TFCP2: variants seen among roughly 807,000 people sequenced by gnomAD.
TFCP2 encodes transcription factor CP2.
Under a neutral mutation model 73.4 loss-of-function variants are expected in TFCP2, and 33 were observed. The ratio of observed to expected loss-of-function variants is 0.45; its 90% confidence interval spans 0.34 to 0.60. TFCP2 has a LOEUF of 0.60. Among genes scored for constraint, TFCP2 ranks in the 20% least tolerant of loss-of-function variants. The pLI is 0.01. For synonymous variants in TFCP2, 193 were observed against 211.6 expected, an observed-to-expected ratio of 0.91 and a Z score of 0.76; for missense variants, 352 against 604.0, an observed-to-expected ratio of 0.58 and a Z score of 4.37.
intron 6 of TFCP2, 75 bp downstream of exon 6, chr12:51,109,046 C>T (rs1264542425): frequency 1.3e-6 from 2 of 1,511,224 alleles, no homozygotes; most frequent in Non-Finnish European, 1.8e-6. Flanking sequence ...AGTTGATTTT[C>T]TGACTTGGTA....
intron 1 of TFCP2, among the ~76,000 whole-genome samples, chr12:51,127,531 T>G (rs188393398): frequency 6.6e-6 from 1 of 152,316 alleles, no homozygotes; most frequent in Non-Finnish European, 1.5e-5. Context: ...AAGCCCAGAA[T>G]GTGCTGAGAC....
At chr12:51,136,148 T>C (rs192013381) in intron 1 of TFCP2, among the ~76,000 whole-genome samples, 1 of 151,818 alleles carries the variant, frequency 6.6e-6, no homozygotes, top group East Asian at 1.9e-4. Flanking sequence ...CTACTAAAAA[T>C]ACAAAAAAAT....
At chr12:51,120,494 G>A (rs1347211215) in intron 1 of TFCP2, among the ~76,000 whole-genome samples, 3 of 152,100 alleles carry the variant, frequency 2.0e-5, no homozygotes, top group Non-Finnish European at 4.4e-5. Context: ...GAACTTTGTA[G>A]GGAGATAAAA....
intron 1 of TFCP2, chr12:51,124,627 G>A (rs764624128): frequency 1.8e-6 from 1 of 548,044 alleles, no homozygotes; most frequent in South Asian, 1.5e-5. Context: ...CGGCAGGTAG[G>A]TCATGTTCCG....
intron 1 of TFCP2, among the ~76,000 whole-genome samples, chr12:51,155,912 C>T (rs1411799819): frequency 1.3e-5 from 2 of 152,160 alleles, no homozygotes; most frequent in Admixed American, 6.5e-5. Flanking sequence ...CATGGTGGCA[C>T]ATGCCTGTAA....
chr12:51,128,191 T>C (rs1041198656), intron 1 of TFCP2, among the ~76,000 whole-genome samples: 2 of 152,110 alleles, frequency 1.3e-5, no homozygotes, highest in African/African-American at 4.8e-5. Flanking sequence ...AGTGCTGGGA[T>C]TGCAGGCATG....
Position 51,106,548 on chromosome 12 carries a change from A to G in TFCP2, c.894T>C (p.His298=), listed in dbSNP as rs146950115. The G allele has an allele frequency of 6.8e-5, 110 of 1,613,130 alleles. No homozygotes were observed. The highest frequency in any genetic ancestry group is 9.2e-5 in the Non-Finnish European group (109 of 1,179,604). ...ACCCTTCCCCAAGAGAAAAACTGCT[A>G]TGGGAACTGTTGAAGCCAGGTGATG... is the stretch of plus-strand genomic sequence containing the variant. ...NSPSPGFNSS[H]SSFSLGEGNG... Residue 298 remains histidine (H), a synonymous_variant, in exon 8 of 15, where the codon CAT becomes CAC. Transcript: ENST00000257915.
chr12:51,143,508 G>C (rs1383188468), intron 1 of TFCP2, among the ~76,000 whole-genome samples: 2 of 151,768 alleles, frequency 1.3e-5, no homozygotes, highest in African/African-American at 4.8e-5. Context: ...AGGCTCTGGA[G>C]GTAAGCTACT....
At chr12:51,096,457 A>G (rs1316024128) in intron 13 of TFCP2, among the ~76,000 whole-genome samples, 1 of 152,154 alleles carries the variant, frequency 6.6e-6, no homozygotes, top group African/African-American at 2.4e-5. Context: ...CCCTTCTCCC[A>G]AGATAAAGGC....
At position 51,113,605 on chromosome 12, in the gene TFCP2, G is replaced by A. The variant is rs575319974; in HGVS notation, c.458-2622C>T. ...CAGATCCTGAGCAGCCAAAACAATCGTGAAATAGAACAAAGTTGGAGTTCT... is the reference window on the plus strand; with the variant it reads ...CAGATCCTGAGCAGCCAAAACAATCATGAAATAGAACAAAGTTGGAGTTCT... On this transcript the variant is annotated intron_variant, in intron 4 of 14. Transcript: ENST00000257915. 5.9e-5 allele frequency among the ~76,000 whole-genome samples: 9 copies of A among 152,252 alleles called. No homozygotes were observed. The East Asian group carries it at 7.7e-4, about 13-fold the overall frequency.
At chr12:51,103,900 T>G (rs557706439) in intron 9 of TFCP2, 137 bp from the exon 10 acceptor site, 1 of 747,510 alleles carries the variant, frequency 1.3e-6, no homozygotes, top group African/African-American at 1.8e-5. Flanking sequence ...TCTCCAACCA[T>G]GCAAGATGCT....
chr12:51,117,508 A>G (rs1193483926), intron 3 of TFCP2, among the ~76,000 whole-genome samples, 163 bp downstream of exon 3: 2 of 152,228 alleles, frequency 1.3e-5, no homozygotes, highest in African/African-American at 4.8e-5. Flanking sequence ...TCTGACCCCA[A>G]AGAAATAACA....
At chr12:51,163,896 A>C (rs541500732) in intron 1 of TFCP2, among the ~76,000 whole-genome samples, 1 of 152,256 alleles carries the variant, frequency 6.6e-6, no homozygotes, top group Non-Finnish European at 1.5e-5. Flanking sequence ...TTTAGAGCAG[A>C]GATAAGTGAA....
intron 1 of TFCP2, among the ~76,000 whole-genome samples, chr12:51,120,215 AAC>A (rs1239190604): frequency 5.3e-5 from 8 of 149,722 alleles, no homozygotes; most frequent in Admixed American, 2.0e-4. Context: ...CAACAACAAC[AAC>A]AAAAAAATAA....
chr12:51,156,760 A>G (rs1004074757), intron 1 of TFCP2: 4 of 152,134 alleles, frequency 2.6e-5, no homozygotes, highest in African/African-American at 4.8e-5. Context: ...TACATTTTCT[A>G]TTTCTTAGTA....
chr12:51,125,024 CACT>C (rs780757493), intron 1 of TFCP2: 1 of 740,180 alleles, frequency 1.4e-6, no homozygotes, highest in Admixed American at 1.8e-5. Flanking sequence ...AGCGAGCCAC[CACT>C]GACTTGAGGA....
chr12:51,158,396 G>C (rs1031376593), intron 1 of TFCP2, among the ~76,000 whole-genome samples: 2 of 152,166 alleles, frequency 1.3e-5, no homozygotes, highest in East Asian at 3.9e-4. Flanking sequence ...CTTTACTGAG[G>C]CTTCCACCCA....
intron 1 of TFCP2, among the ~76,000 whole-genome samples, chr12:51,163,812 C>T (rs1447658508): frequency 6.6e-6 from 1 of 151,970 alleles, no homozygotes; most frequent in Non-Finnish European, 1.5e-5. Flanking sequence ...TAAGTCAATA[C>T]TCTAACTTCA....
intron 9 of TFCP2, 58 bp downstream of exon 9, chr12:51,104,097 A>G: frequency 6.6e-7 from 1 of 1,517,870 alleles, no homozygotes; most frequent in Non-Finnish European, 9.2e-7. Flanking sequence ...ACTGAATTGG[A>G]CAGTCATCAA....
Sources: allele counts gnomAD v4.1 joint callset (sites outside exome capture counted in the v4.1 genomes callset), GRCh38; gene constraint gnomAD v4.1.1; transcripts MANE v1.5; gene names NCBI Gene and HGNC (gene_info 2026-07-23, HGNC 2026-07-21).